Variants in SORCS1 observed in about 807,000 individuals in gnomAD.
SORCS1 encodes VPS10 domain-containing receptor SorCS1.
A neutral mutation model predicts 146.1 loss-of-function variants in SORCS1; 60 were observed. That is an observed-to-expected ratio of 0.41 (90% CI 0.33 to 0.51). The LOEUF (loss-of-function observed/expected upper bound fraction) is 0.51, where lower values mean the gene tolerates loss of function less well. Among genes scored for constraint, SORCS1 ranks in the 20% least tolerant of loss-of-function variants. SORCS1 has a pLI of 0.21. For missense variants in SORCS1, 1,352 were observed against 1,487.6 expected, an observed-to-expected ratio of 0.91 and a Z score of 1.50; for synonymous variants, 637 against 584.0, an observed-to-expected ratio of 1.09 and a Z score of -1.31.
At chr10:106,648,111 C>A (rs1392553649) in intron 18 of SORCS1, among the ~76,000 whole-genome samples, 1 of 152,160 alleles carries the variant, frequency 6.6e-6, no homozygotes, top group African/African-American at 2.4e-5. Context: ...ATCCTCCCAC[C>A]TTGGCCTCCC....
At chr10:106,682,436 A>G (rs913441424) in intron 10 of SORCS1, among the ~76,000 whole-genome samples, 5 of 152,226 alleles carry the variant, frequency 3.3e-5, no homozygotes, top group Non-Finnish European at 7.3e-5. Context: ...AGGAAGTAAC[A>G]TAGTCTACAC....
At chr10:107,009,907 C>A (rs1265204232) in intron 1 of SORCS1, among the ~76,000 whole-genome samples, 4 of 152,062 alleles carry the variant, frequency 2.6e-5, no homozygotes, top group African/African-American at 9.7e-5. Flanking sequence ...AGGAGGGTCA[C>A]AAGTCAGAAC....
chr10:106,633,066 G>T (rs1401999422), intron 18 of SORCS1, among the ~76,000 whole-genome samples: 3 of 152,006 alleles, frequency 2.0e-5, no homozygotes, highest in Admixed American at 1.3e-4. Flanking sequence ...ACCAAATGAG[G>T]TTAAAGCAGA....
chr10:107,027,395 C>T (rs1194231318), intron 1 of SORCS1, among the ~76,000 whole-genome samples: 1 of 152,068 alleles, frequency 6.6e-6, no homozygotes, highest in African/African-American at 2.4e-5. Flanking sequence ...CTCCTTGACA[C>T]CGACTCTATT....
chr10:107,088,357 G>A (rs1348625703), intron 1 of SORCS1, among the ~76,000 whole-genome samples: 3 of 152,128 alleles, frequency 2.0e-5, no homozygotes, highest in East Asian at 3.9e-4. Flanking sequence ...ACCTCCCCTA[G>A]GAAACGCAAT....
chr10:106,770,480 C>CAAAA (rs61310332), intron 4 of SORCS1, among the ~76,000 whole-genome samples: 1 of 126,202 alleles, frequency 7.9e-6, no homozygotes. Context: ...CAAAAAATCG[C>CAAAA]AAAAAAAAAA....
intron 2 of SORCS1, among the ~76,000 whole-genome samples, chr10:106,883,323 T>A (rs1488933717): frequency 1.3e-5 from 2 of 152,194 alleles, no homozygotes; most frequent in African/African-American, 4.8e-5. Flanking sequence ...TCTTTTACCC[T>A]TCGATCTTGC....
At chr10:106,647,019 A>G (rs868499862) in intron 18 of SORCS1, among the ~76,000 whole-genome samples, 7,233 of 136,346 alleles carry the variant, frequency 0.053, 314 homozygotes, top group African/African-American at 0.11. Context: ...ATATATATAT[A>G]TATATATATA....
intron 17 of SORCS1, among the ~76,000 whole-genome samples, chr10:106,662,291 A>G (rs1221739971): frequency 6.6e-6 from 1 of 152,202 alleles, no homozygotes; most frequent in African/African-American, 2.4e-5. Context: ...GAAAGTAACC[A>G]TAGACATTTA....
At chr10:107,115,106 C>T (rs1188525043) in intron 1 of SORCS1, among the ~76,000 whole-genome samples, 1 of 151,900 alleles carries the variant, frequency 6.6e-6, no homozygotes, top group Non-Finnish European at 1.5e-5. Flanking sequence ...TCAAAGAAGA[C>T]ATAAACTAAT....
chr10:107,110,505 G>A (rs2134450309), intron 1 of SORCS1, among the ~76,000 whole-genome samples: 1 of 152,064 alleles, frequency 6.6e-6, no homozygotes, highest in South Asian at 2.1e-4. Context: ...GAGAGTTGGG[G>A]AGGAGGGGCT....
the SORCS1 span, among the ~76,000 whole-genome samples, chr10:107,175,624 C>T: frequency 4.6e-5 from 7 of 152,008 alleles, no homozygotes; most frequent in African/African-American, 9.6e-5. Context: ...TTGGTAGAGA[C>T]GGGGTTTCAC....
intron 10 of SORCS1, among the ~76,000 whole-genome samples, chr10:106,682,353 C>A (rs1021085550): frequency 7.9e-5 from 12 of 152,260 alleles, no homozygotes; most frequent in African/African-American, 2.9e-4. Context: ...TCCACTCTCA[C>A]ATTTGTAGTA....
chr10:106,732,832 C>G (rs1005553371), intron 5 of SORCS1, among the ~76,000 whole-genome samples: 1 of 152,082 alleles, frequency 6.6e-6, no homozygotes, highest in Non-Finnish European at 1.5e-5. Context: ...AAACAAAAAA[C>G]AGGCAAGGCC....
intron 1 of SORCS1, among the ~76,000 whole-genome samples, chr10:107,105,491 G>T (rs1265396388): frequency 6.6e-6 from 1 of 152,220 alleles, no homozygotes; most frequent in Non-Finnish European, 1.5e-5. Flanking sequence ...AAGTCGAGAA[G>T]CCGACAGTGC....
At chr10:106,640,503 C>T (rs1849006834) in intron 18 of SORCS1, among the ~76,000 whole-genome samples, 1 of 152,216 alleles carries the variant, frequency 6.6e-6, no homozygotes, top group African/African-American at 2.4e-5. Flanking sequence ...CAGAGAATTG[C>T]ATCTCTTTAT....
intron 1 of SORCS1, among the ~76,000 whole-genome samples, chr10:107,035,032 C>G (rs944277183): frequency 2.6e-5 from 4 of 151,908 alleles, no homozygotes; most frequent in Admixed American, 1.3e-4. Flanking sequence ...TCTGTATAAT[C>G]AAGAACACAA....
intron 6 of SORCS1, among the ~76,000 whole-genome samples, chr10:106,711,594 C>A (rs1854995107): frequency 6.6e-6 from 1 of 152,114 alleles, no homozygotes; most frequent in Non-Finnish European, 1.5e-5. Context: ...GGTGGAGAGC[C>A]TTACACACCA....
chr10:107,064,336 G>A (rs1961535488), intron 1 of SORCS1, among the ~76,000 whole-genome samples: 1 of 152,092 alleles, frequency 6.6e-6, no homozygotes, highest in African/African-American at 2.4e-5. Flanking sequence ...AATGCATTTG[G>A]CTTGATTAAT....
Sources: gnomAD v4.1 joint callset for allele counts (sites outside exome capture counted in the v4.1 genomes callset) on GRCh38, gnomAD v4.1.1 for gene constraint, MANE v1.5 for transcripts, NCBI Gene and HGNC (gene_info 2026-07-23, HGNC 2026-07-21) for gene names.